B3GAT2: variants seen among roughly 807,000 people sequenced by gnomAD.
B3GAT2 encodes the protein beta-1,3-glucuronyltransferase 2.
B3GAT2 carries 26 observed loss-of-function variants against 27.8 expected under a neutral mutation model. The observed-to-expected ratio is 0.93, with a 90% CI of 0.68 to 1.30. B3GAT2 has a LOEUF of 1.30. Ranked by LOEUF, B3GAT2 falls within the 50% of genes most tolerant of loss-of-function variation. B3GAT2 has a pLI of 0.00. For missense variants in B3GAT2, 458 were observed against 459.0 expected, an observed-to-expected ratio of 1.00 and a Z score of 0.02; for synonymous variants, 218 against 195.1, an observed-to-expected ratio of 1.12 and a Z score of -0.98.
chr6:70,928,849 C>T (rs1288104500), intron 1 of B3GAT2, among the ~76,000 whole-genome samples: 1 of 152,120 alleles, frequency 6.6e-6, no homozygotes, highest in East Asian at 1.9e-4. Context: ...ACCCAGCCAT[C>T]CCATTACTGG....
intron 2 of B3GAT2, among the ~76,000 whole-genome samples, chr6:70,876,885 G>A (rs573744399): frequency 6.6e-6 from 1 of 152,328 alleles, no homozygotes; most frequent in East Asian, 1.9e-4. Flanking sequence ...ACAGGAGTTG[G>A]AGAAGCAAAT....
At chr6:70,909,064 A>G (rs888292707) in intron 1 of B3GAT2, among the ~76,000 whole-genome samples, 2 of 152,222 alleles carry the variant, frequency 1.3e-5, no homozygotes, top group Admixed American at 6.5e-5. Context: ...ACCATTACTT[A>G]GGCCAAAAGT....
At chr6:70,950,430 T>C (rs1004647210) in intron 1 of B3GAT2, among the ~76,000 whole-genome samples, 1 of 152,024 alleles carries the variant, frequency 6.6e-6, no homozygotes, top group African/African-American at 2.4e-5. Context: ...ACAGTAATAA[T>C]ATCACAAGGC....
At chr6:70,914,477 G>A (rs1465416738) in intron 1 of B3GAT2, among the ~76,000 whole-genome samples, 1 of 151,950 alleles carries the variant, frequency 6.6e-6, no homozygotes, top group African/African-American at 2.4e-5. Context: ...CTTTTTTATG[G>A]CTGCATAGTA....
intron 2 of B3GAT2, among the ~76,000 whole-genome samples, chr6:70,871,270 A>G (rs1459781085): frequency 1.5e-5 from 2 of 134,154 alleles, no homozygotes; most frequent in Non-Finnish European, 3.1e-5. Flanking sequence ...TCAGGGTAAC[A>G]TTGGCTTGGT....
rs1361489819 is a variant in B3GAT2 at position 70,861,999 on chromosome 6, A to T, written c.737-21T>A. ...AAATCCTTTGTGAAAAATAAAAAAAAAAAAGAGACTTTAAAATCCTGGTGT... is the reference window on the plus strand; with the variant it reads ...AAATCCTTTGTGAAAAATAAAAAAATAAAAGAGACTTTAAAATCCTGGTGT... On this transcript the variant is annotated intron_variant, in intron 2 of 3. Transcript: ENST00000230053. 3.2e-6 allele frequency: 5 copies of T among 1,567,268 alleles called. No homozygotes were observed. The East Asian group carries it at 9.0e-5, about 28-fold the overall frequency.
chr6:70,927,447 A>T (rs951189573), intron 1 of B3GAT2, among the ~76,000 whole-genome samples: 28 of 152,232 alleles, frequency 1.8e-4, no homozygotes, highest in Non-Finnish European at 4.4e-5. Flanking sequence ...ACATGCAGAG[A>T]CACACATAGG....
rs572035433 is a variant in B3GAT2, at chr6:70,931,066, G to C, written c.591+24773C>G. 3.3e-5 allele frequency among the ~76,000 whole-genome samples: 5 copies of C among 152,074 alleles called. No individual in the cohort carries two copies. The East Asian group carries it at 5.8e-4, about 18-fold the overall frequency. The stretch of plus-strand genomic sequence containing the variant: ...GGATGAAGCTGGAAACCATCATTCT[G>C]AGCAAACTATCTCAAGCACAGAAAA... On this transcript the variant is annotated intron_variant, in intron 1 of 3. Coordinates refer to ENST00000230053, the MANE Select transcript of B3GAT2 (RefSeq NM_080742.3).
intron 1 of B3GAT2, among the ~76,000 whole-genome samples, chr6:70,903,035 T>C (rs1257738263): frequency 6.6e-6 from 1 of 152,028 alleles, no homozygotes; most frequent in East Asian, 1.9e-4. Flanking sequence ...TTAAGTGTTC[T>C]TATCACAAAA....
intron 1 of B3GAT2, among the ~76,000 whole-genome samples, chr6:70,911,322 T>G (rs112504857): frequency 5.3e-5 from 8 of 152,288 alleles, no homozygotes; most frequent in African/African-American, 1.9e-4. Context: ...TTGAGTTGAT[T>G]TTATATATGG....
intron 1 of B3GAT2, among the ~76,000 whole-genome samples, chr6:70,949,328 G>C (rs1562238647): frequency 6.6e-6 from 1 of 152,106 alleles, no homozygotes; most frequent in Non-Finnish European, 1.5e-5. Flanking sequence ...CTAATATCCA[G>C]AATCTACAAT....
At chr6:70,898,256 A>C (rs1311041603) in intron 1 of B3GAT2, among the ~76,000 whole-genome samples, 2 of 152,072 alleles carry the variant, frequency 1.3e-5, no homozygotes, top group African/African-American at 4.8e-5. Context: ...TAGGTCTTTA[A>C]TTTCTCCCAG....
chr6:70,945,979 A>T (rs921684631), intron 1 of B3GAT2, among the ~76,000 whole-genome samples: 1 of 152,012 alleles, frequency 6.6e-6, no homozygotes, highest in Non-Finnish European at 1.5e-5. Flanking sequence ...ACTAAGCTTC[A>T]TAAGTGAAGG....
chr6:70,865,869 G>A (rs145575673), intron 2 of B3GAT2, among the ~76,000 whole-genome samples: 186 of 152,278 alleles, frequency 1.2e-3, no homozygotes, highest in African/African-American at 4.0e-3. Context: ...AAAGAGAAAT[G>A]TGACCCCTAC....
At position 70,955,872 on chromosome 6, in the gene B3GAT2, G is replaced by T. The variant is rs750941214; in HGVS notation, c.558C>A (p.Asp186Glu). The T allele has an allele frequency of 4.1e-5, 66 of 1,604,880 alleles. No homozygotes were observed. Among genetic ancestry groups the T allele is most frequent in the Non-Finnish European group, 5.5e-5 (65 of 1,176,576 alleles). ...AQPGVLFFAD[D>E]DNTYSLELFQ... is the part of the protein sequence containing the mutation. The stretch of plus-strand genomic sequence containing the variant: ...AGAGCTCCAGACTATAGGTGTTGTC[G>T]TCGTCAGCGAAGAAGAGCACGCCGG... Residue 186 changes from aspartate to glutamate, a missense_variant, in exon 1 of 4, where the codon GAC becomes GAA. Asp to Glu is a conservative substitution (Grantham distance 45). Transcript: ENST00000230053.
intron 1 of B3GAT2, among the ~76,000 whole-genome samples, chr6:70,935,057 T>C (rs1773121010): frequency 6.6e-6 from 1 of 152,038 alleles, no homozygotes. Flanking sequence ...ATTGTAGATA[T>C]GTGTAATAGG....
At chr6:70,935,835 C>T (rs1317022510) in intron 1 of B3GAT2, among the ~76,000 whole-genome samples, 1 of 152,140 alleles carries the variant, frequency 6.6e-6, no homozygotes, top group South Asian at 2.1e-4. Context: ...TAGGAAGAAA[C>T]TGCATCAACT....
At chr6:70,898,686 C>A (rs893355969) in intron 1 of B3GAT2, among the ~76,000 whole-genome samples, 3 of 152,192 alleles carry the variant, frequency 2.0e-5, no homozygotes, top group African/African-American at 7.2e-5. Context: ...AACTGGTGGG[C>A]AGACCCCATC....
intron 1 of B3GAT2, among the ~76,000 whole-genome samples, chr6:70,896,550 A>G (rs1772390171): frequency 6.6e-6 from 1 of 152,150 alleles, no homozygotes; most frequent in African/African-American, 2.4e-5. Context: ...ATCCCTTTTT[A>G]TATCACCCAT....
Sources: allele counts gnomAD v4.1 joint callset (sites outside exome capture counted in the v4.1 genomes callset), GRCh38; gene constraint gnomAD v4.1.1; transcripts MANE v1.5; gene names NCBI Gene and HGNC (gene_info 2026-07-23, HGNC 2026-07-21).